MAMLD1: variants seen among roughly 807,000 people sequenced by gnomAD.
MAMLD1 encodes the protein mastermind like domain containing 1, also known as mastermind-like domain-containing protein 1.
MAMLD1 carries 14 observed loss-of-function variants against 45.0 expected under a neutral mutation model. The ratio of observed to expected loss-of-function variants is 0.31; its 90% CI spans 0.21 to 0.49. The LOEUF (loss-of-function observed/expected upper bound fraction) is 0.49. Among genes scored for constraint, MAMLD1 ranks in the 20% least tolerant of loss-of-function variants. The probability of loss-of-function intolerance (pLI) is 0.99; values close to 1 mark genes in which losing one functional copy is unlikely to be tolerated. For synonymous variants in MAMLD1, 254 were observed against 247.8 expected (o/e 1.02, Z -0.24); for missense variants, 543 against 603.6 (o/e 0.90, Z 1.05).
At chrX:150,441,041 TA>T (rs1157276614) in intron 1 of MAMLD1, among the ~76,000 whole-genome samples, 39 of 104,572 alleles carry the variant, frequency 3.7e-4, no homozygotes, top group Non-Finnish European at 5.6e-4. Context: ...TTAATAATAA[TA>T]AAAATATTAT....
At chrX:150,468,978 A>AGTGTGTGT (rs67617988) in intron 3 of MAMLD1, among the ~76,000 whole-genome samples, 10,587 of 100,524 alleles carry the variant, frequency 0.11, 498 homozygotes, top group South Asian at 0.15. Flanking sequence ...AATGTGTGAG[A>AGTGTGTGT]GTGTGTGTGT....
At chrX:150,458,122 T>C (rs145848140) in intron 2 of MAMLD1, among the ~76,000 whole-genome samples, 1,605 of 110,903 alleles carry the variant, frequency 0.014, 19 homozygotes, top group Middle Eastern at 0.037. Context: ...AGGCTAAAAG[T>C]TGGCACTCAG....
chrX:150,459,351 C>T (rs1387032585), intron 2 of MAMLD1, among the ~76,000 whole-genome samples: 1 of 111,663 alleles, frequency 9.0e-6, no homozygotes, highest in Non-Finnish European at 1.9e-5. Context: ...TAACTAGTTG[C>T]TCTTGTTATT....
At chrX:150,490,911 T>C (rs2037164453) in intron 5 of MAMLD1, among the ~76,000 whole-genome samples, 1 of 112,040 alleles carries the variant, frequency 8.9e-6, no homozygotes, top group Non-Finnish European at 1.9e-5. Flanking sequence ...ACACACTATA[T>C]TAACAGAGTA....
chrX:150,449,747 T>C (rs1282227114), intron 2 of MAMLD1, among the ~76,000 whole-genome samples: 1 of 110,719 alleles, frequency 9.0e-6, no homozygotes, highest in Non-Finnish European at 1.9e-5. Context: ...CCTGGCCCTG[T>C]GCTCGATCTT....
chrX:150,389,626 T>A (rs1297164302), intron 1 of MAMLD1, among the ~76,000 whole-genome samples: 1 of 112,312 alleles, frequency 8.9e-6, no homozygotes, highest in African/African-American at 3.2e-5. Flanking sequence ...GATGGAGTGT[T>A]CCATAAATGT....
intron 1 of MAMLD1, among the ~76,000 whole-genome samples, chrX:150,427,398 C>T (rs1034228267): frequency 1.5e-4 from 17 of 112,327 alleles, no homozygotes; most frequent in Non-Finnish European, 2.6e-4. Flanking sequence ...AGCAGGAGTT[C>T]TTTTGGCTTT....
At chrX:150,451,278 G>C (rs1457913217) in intron 2 of MAMLD1, among the ~76,000 whole-genome samples, 2 of 112,268 alleles carry the variant, frequency 1.8e-5, no homozygotes, top group Admixed American at 1.9e-4. Context: ...CAGTTTCCTT[G>C]ACATAAGGCC....
At position 150,423,443 on chromosome X, in the gene MAMLD1, C is replaced by G. The variant is rs1284378076; in HGVS notation, c.-63-22011C>G. On this transcript the variant is annotated intron_variant, in intron 1 of 7. Coordinates refer to ENST00000370401, the MANE Select transcript of MAMLD1 (RefSeq NM_005491.5). ...TAAGGGCAGAAAAGGAAAAGACCAG[C>G]TGCTGCCCGTTTCCTTTGCTAGTCA... Among the ~76,000 whole-genome samples, 3 of 8,164 alleles carry G rather than the reference C, an allele frequency of 3.7e-4. No homozygotes were observed. The Non-Finnish European group carries it at 0.056, about 151-fold the overall frequency. The allele number at this position is 8,164 out of a possible 115,157, so 7.1% of individuals were successfully genotyped here. A position where few individuals can be genotyped will look rare whatever the true frequency, so the allele number is the denominator to read the frequency against.
chrX:150,394,761 A>T (rs1285113551), intron 1 of MAMLD1, among the ~76,000 whole-genome samples: 1 of 111,179 alleles, frequency 9.0e-6, no homozygotes, highest in African/African-American at 3.3e-5. Context: ...GGTATGTAAG[A>T]ATGTGATTGA....
chrX:150,422,166 G>A (rs1214300631), intron 1 of MAMLD1, among the ~76,000 whole-genome samples: 1 of 112,450 alleles, frequency 8.9e-6, no homozygotes, highest in Admixed American at 9.4e-5. Context: ...AGGAGAGGCG[G>A]TCACTGGACA....
At chrX:150,440,950 A>C (rs2035288439) in intron 1 of MAMLD1, among the ~76,000 whole-genome samples, 2 of 104,879 alleles carry the variant, frequency 1.9e-5, no homozygotes, top group South Asian at 7.3e-4. Context: ...TTATTATTAA[A>C]ATAATTTAAT....
chrX:150,465,920 T>C (rs2036204678), intron 3 of MAMLD1, among the ~76,000 whole-genome samples: 1 of 112,368 alleles, frequency 8.9e-6, no homozygotes, highest in Non-Finnish European at 1.9e-5. Context: ...ACCAGGATTC[T>C]GGGAGGGGAG....
intron 5 of MAMLD1, among the ~76,000 whole-genome samples, chrX:150,474,507 G>A (rs1308866051): frequency 8.9e-6 from 1 of 112,422 alleles, no homozygotes; most frequent in East Asian, 2.8e-4. Context: ...CTGACCCTGT[G>A]CTCCCAGATC....
chrX:150,375,985 TG>T (rs1557401461), intron 1 of MAMLD1, among the ~76,000 whole-genome samples: 1 of 111,508 alleles, frequency 9.0e-6, no homozygotes, highest in East Asian at 2.8e-4. Context: ...GGTGCTACAG[TG>T]GGAAGAATAC....
In MAMLD1 at chrX:150,374,120, T is replaced by A. The variant is rs1020928032; in HGVS notation, c.-64+10590T>A. Among the ~76,000 whole-genome samples the A allele has an allele frequency of 1.1e-4, 12 of 112,740 alleles. No individual in the cohort carries two copies. In the South Asian group the frequency reaches 4.0e-3, roughly 37 times the overall value. Reference sequence around the variant, plus strand: ...GTTTGCCTCTTAGGGATCACAGACTTCTTTGTGAATCTGATGAAAGCTCTG... The same window carrying A: ...GTTTGCCTCTTAGGGATCACAGACTACTTTGTGAATCTGATGAAAGCTCTG... On this transcript the variant is annotated intron_variant, in intron 1 of 7. Coordinates refer to ENST00000370401, the MANE Select transcript of MAMLD1 (RefSeq NM_005491.5).
intron 5 of MAMLD1, among the ~76,000 whole-genome samples, chrX:150,502,691 C>T (rs1343948758): frequency 8.9e-5 from 10 of 111,757 alleles, no homozygotes; most frequent in East Asian, 5.6e-4. Context: ...CAGCTCAGGA[C>T]GTGGTTGTTG....
chrX:150,375,110 C>G (rs2032243084), intron 1 of MAMLD1, among the ~76,000 whole-genome samples: 1 of 110,831 alleles, frequency 9.0e-6, no homozygotes, highest in African/African-American at 3.3e-5. Context: ...CCCCGTCTAA[C>G]CCTGGAAGTG....
At chrX:150,409,141 G>A (rs1557402753) in intron 1 of MAMLD1, among the ~76,000 whole-genome samples, 5 of 111,583 alleles carry the variant, frequency 4.5e-5, no homozygotes, top group African/African-American at 1.6e-4. Context: ...TTGAGCTATT[G>A]GCCCAATGCT....
Sources: gnomAD v4.1 joint callset for allele counts (sites outside exome capture counted in the v4.1 genomes callset) on GRCh38, gnomAD v4.1.1 for gene constraint, MANE v1.5 for transcripts, NCBI Gene and HGNC (gene_info 2026-07-23, HGNC 2026-07-21) for gene names.